LMBR1: variants seen among roughly 807,000 people sequenced by gnomAD.
LMBR1 encodes the protein limb region 1 protein homolog.
Under a neutral mutation model 73.9 loss-of-function variants are expected in LMBR1, and 52 were observed. That is an observed-to-expected ratio of 0.70 (90% CI 0.56 to 0.89). The LOEUF is 0.89. LMBR1 is among the 40% of genes least tolerant of loss of function. The pLI is 0.00. For missense variants in LMBR1, 539 were observed against 579.8 expected (o/e 0.93, Z 0.72); for synonymous variants, 215 against 209.4 (o/e 1.03, Z -0.23).
chr7:156,776,786 A>C, intron 5 of LMBR1, among the ~76,000 whole-genome samples: 1 of 151,420 alleles, frequency 6.6e-6, no homozygotes, highest in South Asian at 2.1e-4. Flanking sequence ...CCTGGCGCCT[A>C]CTCCTTGATT....
chr7:156,779,508 C>A, intron 5 of LMBR1: 1 of 235,822 alleles, frequency 4.2e-6, no homozygotes, highest in African/African-American at 2.2e-5. Context: ...CTTGTAGACA[C>A]ACAGATTTCT....
chr7:156,741,700 G>C (rs1818926051), intron 9 of LMBR1, among the ~76,000 whole-genome samples: 1 of 152,114 alleles, frequency 6.6e-6, no homozygotes, highest in South Asian at 2.1e-4. Context: ...ATAACAGCTA[G>C]AGACTTCAAC....
rs775577926 is a variant in LMBR1 at position 156,725,937 on chromosome 7, T to C, written c.994-100A>G. On this transcript the variant is annotated intron_variant, in intron 12 of 16. Coordinates refer to ENST00000353442, the MANE Select transcript of LMBR1 (RefSeq NM_022458.4). ...AAAATAAGACAGTTGAAATTATGAA[T>C]GTTTACTACTTTGAAATAACATCTA... 1.2e-5 allele frequency: 10 copies of C among 845,188 alleles called. No individual in the cohort carries two copies. In the Middle Eastern group the frequency reaches 1.1e-3, roughly 96 times the overall value. 52.4% of individuals were successfully genotyped at this position (845,188 alleles called of 1,614,324 possible). A position where few individuals can be genotyped will look rare whatever the true frequency, so the allele number is the denominator to read the frequency against.
intron 4 of LMBR1, among the ~76,000 whole-genome samples, chr7:156,809,968 T>C (rs1460977766): frequency 1.3e-5 from 2 of 152,138 alleles, no homozygotes; most frequent in Non-Finnish European, 2.9e-5. Flanking sequence ...AATATTTTTC[T>C]CAACTCCCCT....
intron 15 of LMBR1, among the ~76,000 whole-genome samples, chr7:156,714,910 CTGAG>C (rs1812879193): frequency 6.6e-6 from 1 of 151,986 alleles, no homozygotes; most frequent in Non-Finnish European, 1.5e-5. Flanking sequence ...CAAATATTTA[CTGAG>C]TATCTACTGA....
At chr7:156,876,470 C>T (rs1370140916) in intron 1 of LMBR1, among the ~76,000 whole-genome samples, 3 of 152,094 alleles carry the variant, frequency 2.0e-5, no homozygotes, top group Admixed American at 6.6e-5. Context: ...AACAAATGGA[C>T]TTAACAGATA....
intron 1 of LMBR1, among the ~76,000 whole-genome samples, chr7:156,890,958 A>G (rs1802800226): frequency 6.6e-6 from 1 of 152,068 alleles, no homozygotes; most frequent in South Asian, 2.1e-4. Context: ...TGGGAGGCCA[A>G]GGCAGGTGGA....
chr7:156,784,311 G>A (rs1827697061), intron 5 of LMBR1, among the ~76,000 whole-genome samples: 1 of 152,102 alleles, frequency 6.6e-6, no homozygotes, highest in South Asian at 2.1e-4. Flanking sequence ...TGTCCTGCTT[G>A]TTCTCCCTAT....
intron 5 of LMBR1, among the ~76,000 whole-genome samples, chr7:156,788,917 G>A (rs1356079619): frequency 6.6e-6 from 1 of 152,030 alleles, no homozygotes; most frequent in African/African-American, 2.4e-5. Flanking sequence ...GCGTGGTGGT[G>A]GGCACCTGTA....
intron 15 of LMBR1, among the ~76,000 whole-genome samples, chr7:156,695,270 C>G (rs887949959): frequency 1.3e-5 from 2 of 152,222 alleles, no homozygotes; most frequent in African/African-American, 4.8e-5. Context: ...AATCATACCA[C>G]TACACTCCAG....
At position 156,679,640 on chromosome 7, in the gene LMBR1, G is replaced by A. The variant is rs1804671349; in HGVS notation, c.*4438C>T. 6.6e-6 allele frequency: 1 copy of A among 152,212 alleles called. No individual in the cohort carries two copies. The highest frequency in any genetic ancestry group is 2.1e-4 in the South Asian group (1 of 4,836). 9.4% of individuals were successfully genotyped at this position (152,212 alleles called of 1,614,324 possible). A position where few individuals can be genotyped will look rare whatever the true frequency, so the allele number is the denominator to read the frequency against. On this transcript the variant is annotated 3_prime_UTR_variant, in exon 17 of 17. Coordinates refer to ENST00000353442, the MANE Select transcript of LMBR1 (RefSeq NM_022458.4). ...CAGCCACAAAACAGTTTTAGTAACT[G>A]TTAAAACTTCAGTTCTCAGACCCAT...
intron 9 of LMBR1, among the ~76,000 whole-genome samples, chr7:156,748,455 G>A (rs1291741544): frequency 2.6e-5 from 4 of 151,974 alleles, no homozygotes; most frequent in Non-Finnish European, 4.4e-5. Context: ...AGTAGCTCGG[G>A]TATATTAAAT....
At chr7:156,690,147 AT>A (rs1038788408) in intron 15 of LMBR1, among the ~76,000 whole-genome samples, 61 of 152,256 alleles carry the variant, frequency 4.0e-4, no homozygotes, top group African/African-American at 1.4e-3. Flanking sequence ...TGCTCTTGAA[AT>A]TTTTTTTAAC....
chr7:156,803,490 A>C (rs1831394852), intron 4 of LMBR1, among the ~76,000 whole-genome samples: 1 of 152,198 alleles, frequency 6.6e-6, no homozygotes, highest in African/African-American at 2.4e-5. Context: ...ATCATTAAAA[A>C]GTCAGGAAAC....
rs914039343 is a variant in LMBR1 at position 156,678,092 on chromosome 7, A to G, written c.*5986T>C. 6.6e-6 allele frequency: 1 copy of G among 152,232 alleles called. No homozygotes were observed. The highest frequency in any genetic ancestry group is 1.5e-5 in the Non-Finnish European group (1 of 68,042). The allele number at this position is 152,232 out of a possible 1,614,324, so 9.4% of individuals were successfully genotyped here. ...AAGGTTGTGCCTAAGGCTGTGCCCA[A>G]CACTTCTTCCGGGGCTTTCTCATCA... On this transcript the variant is annotated 3_prime_UTR_variant, in exon 17 of 17. Transcript: ENST00000353442.
intron 1 of LMBR1, among the ~76,000 whole-genome samples, chr7:156,855,504 G>C (rs1475518995): frequency 1.3e-5 from 2 of 151,820 alleles, no homozygotes; most frequent in Non-Finnish European, 1.5e-5. Context: ...AAGAAGTACA[G>C]AACAATTACA....
At chr7:156,872,807 AGTAGTGT>A (rs1352905690) in intron 1 of LMBR1, among the ~76,000 whole-genome samples, 3 of 152,190 alleles carry the variant, frequency 2.0e-5, no homozygotes, top group African/African-American at 7.2e-5. Flanking sequence ...ACTCAGACAG[AGTAGTGT>A]GTGGAGACTC....
At chr7:156,888,148 C>T (rs62492674) in intron 1 of LMBR1, among the ~76,000 whole-genome samples, 63 of 152,078 alleles carry the variant, frequency 4.1e-4, no homozygotes, top group Non-Finnish European at 3.7e-4. Context: ...TGGTGGCTCA[C>T]GCCTGTAATC....
chr7:156,826,828 ATGTTTT>A, intron 3 of LMBR1, 84 bp from the exon 4 acceptor site: 2 of 1,284,044 alleles, frequency 1.6e-6, no homozygotes, highest in Admixed American at 4.9e-5. Flanking sequence ...AAACTCTTTA[ATGTTTT>A]AATCAAAAAA....
Sources: allele counts gnomAD v4.1 joint callset (sites outside exome capture counted in the v4.1 genomes callset), GRCh38; gene constraint gnomAD v4.1.1; transcripts MANE v1.5; gene names NCBI Gene and HGNC (gene_info 2026-07-23, HGNC 2026-07-21).